The following TBC1D22A variants were observed in gnomAD, a reference collection of about 807,000 sequenced individuals.
TBC1D22A encodes TBC1 domain family member 22A.
Under a neutral mutation model 60.2 loss-of-function variants are expected in TBC1D22A, and 38 were observed. The ratio of observed to expected loss-of-function variants is 0.63; its 90% CI spans 0.49 to 0.83. The LOEUF (loss-of-function observed/expected upper bound fraction) is 0.83. Among genes scored for constraint, TBC1D22A ranks in the 40% least tolerant of loss-of-function variants. The pLI, the probability that TBC1D22A is intolerant of heterozygous loss-of-function variation, is 0.00. For synonymous variants in TBC1D22A, 302 were observed against 281.7 expected, an observed-to-expected ratio of 1.07 and a Z score of -0.72; for missense variants, 628 against 701.0, an observed-to-expected ratio of 0.90 and a Z score of 1.18.
intron 7 of TBC1D22A, among the ~76,000 whole-genome samples, chr22:46,903,488 G>C (rs1006047258): frequency 5.9e-5 from 9 of 152,198 alleles, no homozygotes; most frequent in African/African-American, 2.2e-4. Context: ...GGCTCTTCCT[G>C]TTTCGCTTCA....
chr22:47,089,290 G>A (rs529963891), intron 11 of TBC1D22A, among the ~76,000 whole-genome samples: 40 of 152,340 alleles, frequency 2.6e-4, no homozygotes, highest in African/African-American at 9.1e-4. Flanking sequence ...GAGAGAAGCT[G>A]TGAAATGTGA....
chr22:47,112,399 G>A (rs988499164), intron 12 of TBC1D22A, among the ~76,000 whole-genome samples: 13 of 152,204 alleles, frequency 8.5e-5, no homozygotes, highest in African/African-American at 1.9e-4. Flanking sequence ...ACACTTCACC[G>A]CTCTCCCTTC....
rs114531085 is a variant in TBC1D22A, at chr22:46,942,658, C to T, written c.1015+30470C>T. ...TGATGTGCGCTCGGCCACCAGTCCA[C>T]GGAGGCCCCTCCAAGCCGGCTTCAG... On this transcript the variant is annotated intron_variant, in intron 8 of 12. Coordinates refer to ENST00000337137, the MANE Select transcript of TBC1D22A (RefSeq NM_014346.5). Among the ~76,000 whole-genome samples the T allele has an allele frequency of 4.2e-3, 640 of 152,266 alleles. 2 individuals are homozygous for T. The highest frequency in any genetic ancestry group is 0.015 in the African/African-American group (610 of 41,546).
chr22:47,009,778 TGGTGG>T lies in TBC1D22A; in HGVS notation c.1201+12072_1201+12076del, dbSNP rs566885027. Among the ~76,000 whole-genome samples, 11 of 152,312 alleles carry T rather than the reference TGGTGG, an allele frequency of 7.2e-5. No homozygotes were observed. In the East Asian group the frequency reaches 2.1e-3, roughly 29 times the overall value. ...CAAACTGTACAGCAGGATGGGTCCA[TGGTGG>T]GGCTGAGTGTTGGAAGTTTAGTCTG... On this transcript the variant is annotated intron_variant, in intron 10 of 12. Transcript: ENST00000337137. This position sits in a 1 kb window ranked among gnomAD's most constrained non-coding sequence, Gnocchi z 5.8.
chr22:46,979,243 T>C (rs2074420495), intron 9 of TBC1D22A, among the ~76,000 whole-genome samples: 1 of 152,214 alleles, frequency 6.6e-6, no homozygotes, highest in African/African-American at 2.4e-5. Flanking sequence ...GAAGCAGCTG[T>C]CAGGCCCAGG....
At chr22:46,790,633 G>A (rs1055441645) in intron 1 of TBC1D22A, among the ~76,000 whole-genome samples, 3 of 151,804 alleles carry the variant, frequency 2.0e-5, no homozygotes, top group South Asian at 2.1e-4. Flanking sequence ...AAAAAGAAGA[G>A]GTACAAATGA....
At chr22:46,898,003 C>T (rs1367946564) in intron 7 of TBC1D22A, among the ~76,000 whole-genome samples, 5 of 152,160 alleles carry the variant, frequency 3.3e-5, no homozygotes, top group Non-Finnish European at 2.9e-5. Flanking sequence ...CATTTTGAGA[C>T]ACTTCTCTTT....
At chr22:46,772,048 T>C (rs13055967) in intron 1 of TBC1D22A, among the ~76,000 whole-genome samples, 58,378 of 125,784 alleles carry the variant, frequency 0.46, 12,836 homozygotes, top group Middle Eastern at 0.59. Context: ...ATCGTATATA[T>C]ACATATACAT....
chr22:47,007,864 G>C (rs2061640072), intron 10 of TBC1D22A, among the ~76,000 whole-genome samples: 1 of 152,116 alleles, frequency 6.6e-6, no homozygotes, highest in African/African-American at 2.4e-5. Context: ...TGTGTGTTAG[G>C]GCTTCAACAT....
intron 4 of TBC1D22A, among the ~76,000 whole-genome samples, chr22:46,812,800 C>T (rs575482323): frequency 4.6e-5 from 7 of 152,312 alleles, no homozygotes; most frequent in East Asian, 1.9e-4. Context: ...GACAAGAAAA[C>T]GTTTCCTAAT....
intron 4 of TBC1D22A, among the ~76,000 whole-genome samples, chr22:46,813,435 G>A (rs2085465611): frequency 6.6e-6 from 1 of 152,224 alleles, no homozygotes; most frequent in African/African-American, 2.4e-5. Flanking sequence ...TCTCTGGAGA[G>A]GGAGAAATCT....
rs563607797 is a variant in TBC1D22A, at chr22:47,064,987, A to C, written c.1329+27789A>C. On this transcript the variant is annotated intron_variant, in intron 11 of 12. Coordinates refer to ENST00000337137, the MANE Select transcript of TBC1D22A (RefSeq NM_014346.5). ...ATTTGTTTATTATTTATTTTATTTT[A>C]TTTATTTATTTTTTGAGACGGAGTC... Among the ~76,000 whole-genome samples, 5 of 147,596 alleles carry C rather than the reference A, an allele frequency of 3.4e-5. No homozygotes were observed. In the East Asian group the frequency reaches 9.7e-4, roughly 29 times the overall value.
In TBC1D22A at chr22:46,777,080, G is replaced by T. The variant is rs2083737433; in HGVS notation, c.62+14232G>T. ...GAGATGTGTGGGAGGTTTCCAAGGTGACCTAGAGGATGTGGAGACGTGGGT... is the reference window on the plus strand; with the variant it reads ...GAGATGTGTGGGAGGTTTCCAAGGTTACCTAGAGGATGTGGAGACGTGGGT... On this transcript the variant is annotated intron_variant, in intron 1 of 12. Coordinates refer to ENST00000337137, the MANE Select transcript of TBC1D22A (RefSeq NM_014346.5). The surrounding 1 kb of genome is among the most constrained non-coding windows in gnomAD (Gnocchi z 4.5). Among the ~76,000 whole-genome samples the T allele has an allele frequency of 6.6e-6, 1 of 152,132 alleles. No individual in the cohort carries two copies. Among genetic ancestry groups the T allele is most frequent in the Non-Finnish European group, 1.5e-5 (1 of 68,030 alleles).
chr22:47,067,357 A>C (rs1037634930), intron 11 of TBC1D22A, among the ~76,000 whole-genome samples: 1 of 152,244 alleles, frequency 6.6e-6, no homozygotes, highest in Non-Finnish European at 1.5e-5. Context: ...AAGCTCTTTC[A>C]GGCATTGTTT....
At chr22:46,911,610 T>A (rs913691295) in intron 7 of TBC1D22A, among the ~76,000 whole-genome samples, 12 of 152,150 alleles carry the variant, frequency 7.9e-5, no homozygotes, top group East Asian at 1.9e-4. Flanking sequence ...TAATTTTTTT[T>A]AAAATCAAGT....
intron 8 of TBC1D22A, 71 bp downstream of exon 8, chr22:46,912,259 CA>C (rs1203427792): frequency 3.2e-5 from 36 of 1,135,392 alleles, no homozygotes; most frequent in Non-Finnish European, 3.4e-5. Flanking sequence ...ATAATTATAA[CA>C]ATATTGAAAA....
chr22:46,851,896 G>T (rs182609171), intron 4 of TBC1D22A, among the ~76,000 whole-genome samples: 1 of 152,204 alleles, frequency 6.6e-6, no homozygotes, highest in African/African-American at 2.4e-5. Flanking sequence ...TCAAAGTAGG[G>T]CACATTAAGA....
At chr22:46,912,301 G>A in intron 8 of TBC1D22A, 113 bp downstream of exon 8, 2 of 692,466 alleles carry the variant, frequency 2.9e-6, no homozygotes, top group Admixed American at 3.0e-5. Context: ...ATTAATGATA[G>A]GTAATATTAG....
intron 4 of TBC1D22A, among the ~76,000 whole-genome samples, chr22:46,807,487 A>G (rs2085197850): frequency 6.6e-6 from 1 of 152,158 alleles, no homozygotes. Context: ...AAGCACATGC[A>G]TGCGTCTGTG....
Sources: gnomAD v4.1 joint callset for allele counts (sites outside exome capture counted in the v4.1 genomes callset) on GRCh38, gnomAD v4.1.1 for gene constraint, Gnocchi (gnomAD v3.1) non-coding constraint, MANE v1.5 for transcripts, NCBI Gene and HGNC (gene_info 2026-07-23, HGNC 2026-07-21) for gene names.